ASPRV1: variants seen among roughly 807,000 people sequenced by gnomAD.
ASPRV1 encodes aspartic peptidase retroviral like 1.
ASPRV1 carries 7 observed loss-of-function variants against 11.0 expected under a neutral mutation model. The ratio of observed to expected loss-of-function variants is 0.64; its 90% CI spans 0.36 to 1.20. ASPRV1 has a LOEUF of 1.20. Ranked by LOEUF, ASPRV1 falls within the 50% of genes most tolerant of loss-of-function variation. The probability of loss-of-function intolerance (pLI) is 0.02; values close to 1 mark genes in which losing one functional copy is unlikely to be tolerated. For missense variants in ASPRV1, 299 were observed against 320.0 expected, an observed-to-expected ratio of 0.93 and a Z score of 0.50; for synonymous variants, 136 against 138.4, an observed-to-expected ratio of 0.98 and a Z score of 0.12.
At chr2:69,964,556 T>C, upstream of ASPRV1, 1 of 264,758 alleles carries the variant, frequency 3.8e-6, no homozygotes, top group Admixed American at 4.9e-5. Context: ...CCCCATGAGC[T>C]AAACCAGCCA....
At chr2:70,034,736 G>T in the ASPRV1 span, among the ~76,000 whole-genome samples, 1 of 152,284 alleles carries the variant, frequency 6.6e-6, no homozygotes, top group African/African-American at 2.4e-5. Context: ...CCCAAGGCAG[G>T]ATGTGGCGGT....
the ASPRV1 span, among the ~76,000 whole-genome samples, chr2:69,948,058 A>G: frequency 6.6e-6 from 1 of 150,970 alleles, no homozygotes; most frequent in African/African-American, 2.5e-5. Flanking sequence ...AGTAAGCCAG[A>G]GAGACAGAGG....
chr2:69,975,786 TC>T, the ASPRV1 span: 2 of 152,402 alleles, frequency 1.3e-5, no homozygotes, highest in Admixed American at 1.3e-4. Context: ...TTGTTTAATA[TC>T]TCCTACTCTT....
the ASPRV1 span, among the ~76,000 whole-genome samples, chr2:70,074,413 C>T: frequency 2.0e-5 from 3 of 151,068 alleles, no homozygotes; most frequent in Admixed American, 2.0e-4. Flanking sequence ...CTCAGCCTCC[C>T]GAGTAGCTGG....
the ASPRV1 span, among the ~76,000 whole-genome samples, chr2:69,993,229 G>A: frequency 1.7e-4 from 26 of 152,092 alleles, no homozygotes; most frequent in East Asian, 1.9e-4. Context: ...CTACCCCTCC[G>A]CCACTGCTCC....
At chr2:70,026,332 C>T in the ASPRV1 span, among the ~76,000 whole-genome samples, 4 of 150,756 alleles carry the variant, frequency 2.7e-5, no homozygotes, top group South Asian at 8.4e-4. Flanking sequence ...CTTTCACTAC[C>T]TTTATTTAAC....
At chr2:69,951,622 A>T in the ASPRV1 span, among the ~76,000 whole-genome samples, 2 of 151,424 alleles carry the variant, frequency 1.3e-5, no homozygotes, top group African/African-American at 2.4e-5. Flanking sequence ...CTAGATATAG[A>T]CTGACCAACG....
chr2:70,042,448 G>A, the ASPRV1 span, among the ~76,000 whole-genome samples: 1 of 152,184 alleles, frequency 6.6e-6, no homozygotes, highest in Non-Finnish European at 1.5e-5. Context: ...AAAGTCCCTG[G>A]TGAGGGACTG....
chr2:69,993,206 A>G, the ASPRV1 span, among the ~76,000 whole-genome samples: 2 of 152,168 alleles, frequency 1.3e-5, no homozygotes, highest in Non-Finnish European at 2.9e-5. Flanking sequence ...TTTGTCCTCA[A>G]GCCCACACCT....
chr2:69,949,860 G>A, the ASPRV1 span, among the ~76,000 whole-genome samples: 2 of 152,156 alleles, frequency 1.3e-5, no homozygotes, highest in Non-Finnish European at 2.9e-5. Context: ...CTTTCGTCCA[G>A]GCTGGAGTGC....
chr2:69,993,214 C>A, the ASPRV1 span, among the ~76,000 whole-genome samples: 3 of 152,182 alleles, frequency 2.0e-5, no homozygotes, highest in Non-Finnish European at 4.4e-5. Flanking sequence ...CAAGCCCACA[C>A]CTGCCTACCC....
the ASPRV1 span, among the ~76,000 whole-genome samples, chr2:70,029,414 G>A: frequency 2.0e-5 from 3 of 152,138 alleles, no homozygotes; most frequent in Non-Finnish European, 4.4e-5. Context: ...GCTGAGGTGG[G>A]TGGATCACAA....
the ASPRV1 span, among the ~76,000 whole-genome samples, chr2:69,967,995 T>C: frequency 2.0e-5 from 3 of 152,134 alleles, no homozygotes; most frequent in Admixed American, 6.5e-5. Flanking sequence ...GGCAGGAGAA[T>C]TGCTTGAACC....
chr2:70,064,564 G>C, the ASPRV1 span, among the ~76,000 whole-genome samples: 1 of 152,204 alleles, frequency 6.6e-6, no homozygotes, highest in South Asian at 2.1e-4. Context: ...GGGAGGAAGG[G>C]TGTTCTAGGC....
the ASPRV1 span, among the ~76,000 whole-genome samples, chr2:70,062,584 T>A: frequency 1.3e-4 from 20 of 152,176 alleles, no homozygotes; most frequent in African/African-American, 4.8e-4. Flanking sequence ...AATGTCATAA[T>A]TAGAGTACTA....
At chr2:69,988,617 T>A in the ASPRV1 span, 3 of 356,552 alleles carry the variant, frequency 8.4e-6, no homozygotes, top group Non-Finnish European at 5.6e-6. Context: ...GATGGTTACA[T>A]GATATTGTAA....
the ASPRV1 span, among the ~76,000 whole-genome samples, chr2:69,952,983 T>C: frequency 6.6e-6 from 1 of 152,136 alleles, no homozygotes; most frequent in Non-Finnish European, 1.5e-5. Flanking sequence ...CAGGGCAACC[T>C]CCCTCCATCA....
At position 69,960,591 on chromosome 2, in the gene ASPRV1, T is replaced by C; in HGVS notation, c.*66A>G. The C allele has an allele frequency of 1.3e-6, 2 of 1,496,226 alleles. No homozygotes were observed. The highest frequency in any genetic ancestry group is 9.0e-7 in the Non-Finnish European group (1 of 1,112,730). 92.7% of individuals were successfully genotyped at this position (1,496,226 alleles called of 1,614,324 possible). A position where few individuals can be genotyped will look rare whatever the true frequency, so the allele number is the denominator to read the frequency against. On this transcript the variant is annotated 3_prime_UTR_variant, in exon 1 of 1. Coordinates refer to ENST00000320256, the MANE Select transcript of ASPRV1 (RefSeq NM_152792.4). The stretch of plus-strand genomic sequence containing the variant: ...AAGCCCAGTGACCCCCATGAGGATA[T>C]GCAACCCCCCCCACAGCGGTGGGTC...
chr2:69,995,965 A>G, the ASPRV1 span, among the ~76,000 whole-genome samples: 1 of 152,094 alleles, frequency 6.6e-6, no homozygotes, highest in Non-Finnish European at 1.5e-5. Context: ...CTTTATTCCA[A>G]ATCTCTTTGG....
Sources: allele counts gnomAD v4.1 joint callset (sites outside exome capture counted in the v4.1 genomes callset), GRCh38; gene constraint gnomAD v4.1.1; transcripts MANE v1.5; gene names NCBI Gene and HGNC (gene_info 2026-07-23, HGNC 2026-07-21).